Variants in DPF3 observed in about 807,000 individuals in gnomAD.
DPF3 encodes the protein zinc finger protein DPF3.
In DPF3, 18 loss-of-function variants were observed where a neutral mutation model predicts 56.8. The ratio of observed to expected loss-of-function variants is 0.32; its 90% CI spans 0.22 to 0.47. The LOEUF (loss-of-function observed/expected upper bound fraction) is 0.47, where lower values mean the gene tolerates loss of function less well. Among genes scored for constraint, DPF3 ranks in the 20% least tolerant of loss-of-function variants. The pLI is 1.00. For synonymous variants in DPF3, 188 were observed against 180.2 expected (o/e 1.04, Z -0.35); for missense variants, 403 against 488.8 (o/e 0.82, Z 1.65).
chr14:72,716,630 T>G (rs150895311), intron 5 of DPF3, among the ~76,000 whole-genome samples: 23 of 152,248 alleles, frequency 1.5e-4, no homozygotes, highest in African/African-American at 5.5e-4. Context: ...ACAAACATGG[T>G]GGAGACCATG....
intron 1 of DPF3, among the ~76,000 whole-genome samples, chr14:72,805,061 C>CACACACACACACACACACACAA (rs1882697820): frequency 6.6e-6 from 1 of 151,452 alleles, no homozygotes; most frequent in South Asian, 2.1e-4. Flanking sequence ...GACACACACA[C>CACACACACACACACACACACAA]ACACACAAAC....
intron 1 of DPF3, among the ~76,000 whole-genome samples, chr14:72,883,682 C>T (rs568592399): frequency 3.6e-4 from 54 of 152,108 alleles, no homozygotes; most frequent in African/African-American, 1.1e-3. Flanking sequence ...AATCCCAGCA[C>T]GTGGGGAGGC....
At chr14:72,888,904 C>T (rs1333295849) in intron 1 of DPF3, among the ~76,000 whole-genome samples, 1 of 152,310 alleles carries the variant, frequency 6.6e-6, no homozygotes, top group Non-Finnish European at 1.5e-5. Context: ...CAGCCCCCAT[C>T]GCCACTACTG....
chr14:72,864,955 A>C (rs556884471), intron 1 of DPF3, among the ~76,000 whole-genome samples: 1 of 152,344 alleles, frequency 6.6e-6, no homozygotes, highest in African/African-American at 2.4e-5. Context: ...AGTGTAAGTC[A>C]GGACGAGGGG....
chr14:72,716,719 T>C (rs1888944229), intron 5 of DPF3, among the ~76,000 whole-genome samples: 1 of 152,192 alleles, frequency 6.6e-6, no homozygotes, highest in Non-Finnish European at 1.5e-5. Flanking sequence ...ATTCGCCAAA[T>C]GGATGAATCA....
chr14:72,860,719 C>A lies in DPF3; in HGVS notation c.32+33338G>T, dbSNP rs544362751. Among the ~76,000 whole-genome samples the A allele has an allele frequency of 7.9e-5, 12 of 152,168 alleles. No homozygotes were observed. In the East Asian group the frequency reaches 1.7e-3, roughly 22 times the overall value. On this transcript the variant is annotated intron_variant, in intron 1 of 10. Coordinates refer to ENST00000556509, the MANE Select transcript of DPF3 (RefSeq NM_001280542.3). ...TAGCTGAGATTACAGGCGTGCACCA[C>A]CATGCACAGCTAATTTTTGTATTTT...
At chr14:72,814,670 C>T (rs4606655) in intron 1 of DPF3, among the ~76,000 whole-genome samples, 123,572 of 152,028 alleles carry the variant, frequency 0.81, 50,862 homozygotes, top group South Asian at 0.97. Context: ...TAAAAATTAG[C>T]TGGTCATGAT....
At chr14:72,641,018 G>T (rs1323920320) in intron 8 of DPF3, among the ~76,000 whole-genome samples, 1 of 152,160 alleles carries the variant, frequency 6.6e-6, no homozygotes, top group African/African-American at 2.4e-5. Flanking sequence ...AGACAATGTG[G>T]TCAGAAAGGG....
intron 8 of DPF3, among the ~76,000 whole-genome samples, chr14:72,645,912 G>A (rs1012346631): frequency 2.4e-4 from 37 of 151,808 alleles, no homozygotes; most frequent in African/African-American, 8.0e-4. Flanking sequence ...TCTACACTCC[G>A]GCTACACAAA....
At chr14:72,800,395 T>C (rs1345754033) in intron 1 of DPF3, among the ~76,000 whole-genome samples, 1 of 151,908 alleles carries the variant, frequency 6.6e-6, no homozygotes, top group African/African-American at 2.4e-5. Context: ...GATGGATGGA[T>C]GGATGGATGG....
chr14:72,663,309 A>G (rs1005373324), intron 8 of DPF3, among the ~76,000 whole-genome samples: 1 of 152,172 alleles, frequency 6.6e-6, no homozygotes, highest in Non-Finnish European at 1.5e-5. Context: ...TATGGTATAG[A>G]ACCAATTCAG....
chr14:72,870,381 G>C (rs1483195727), intron 1 of DPF3, among the ~76,000 whole-genome samples: 1 of 152,328 alleles, frequency 6.6e-6, no homozygotes, highest in East Asian at 1.9e-4. Context: ...CCTTAGAGGA[G>C]GTAGCCATGA....
chr14:72,645,983 C>T (rs978469863), intron 8 of DPF3, among the ~76,000 whole-genome samples: 1 of 152,154 alleles, frequency 6.6e-6, no homozygotes, highest in Non-Finnish European at 1.5e-5. Flanking sequence ...ATGCTCACCC[C>T]GGATCTGACC....
intron 1 of DPF3, among the ~76,000 whole-genome samples, chr14:72,788,440 G>A (rs987397056): frequency 2.6e-5 from 4 of 152,172 alleles, no homozygotes; most frequent in Middle Eastern, 3.4e-3. Flanking sequence ...GAGGAGGGGG[G>A]CCGCAGAGTC....
chr14:72,667,265 G>A (rs1473591672), intron 8 of DPF3, among the ~76,000 whole-genome samples: 4 of 152,018 alleles, frequency 2.6e-5, no homozygotes, highest in African/African-American at 9.7e-5. Context: ...TCTTTACATA[G>A]TCTCTCAGTA....
chr14:72,819,418 T>C (rs1025013580), intron 1 of DPF3, among the ~76,000 whole-genome samples: 1 of 152,150 alleles, frequency 6.6e-6, no homozygotes, highest in Non-Finnish European at 1.5e-5. Context: ...GGCAACTTTA[T>C]TCATAATAGC....
intron 1 of DPF3, among the ~76,000 whole-genome samples, chr14:72,824,190 G>A (rs1483133466): frequency 1.3e-5 from 2 of 152,166 alleles, no homozygotes; most frequent in South Asian, 2.1e-4. Flanking sequence ...GAAAGAGGAG[G>A]AAAGGAATGT....
Position 72,859,315 on chromosome 14 carries a change from C to T in DPF3, c.32+34742G>A, listed in dbSNP as rs1404824190. On this transcript the variant is annotated intron_variant, in intron 1 of 10. Transcript: ENST00000556509. ...TCCATACTATACAGTAAAAAAGGAACTCCTTTCAAGGCCAACAGGGAAGCA... is the reference window on the plus strand; with the variant it reads ...TCCATACTATACAGTAAAAAAGGAATTCCTTTCAAGGCCAACAGGGAAGCA... 3.9e-5 allele frequency among the ~76,000 whole-genome samples: 6 copies of T among 152,030 alleles called. No individual in the cohort carries two copies. The East Asian group carries it at 9.6e-4, about 24-fold the overall frequency.
intron 1 of DPF3, among the ~76,000 whole-genome samples, chr14:72,861,744 A>AAAGAAAGAAAGAAAGAAAGG (rs1885425506): frequency 8.1e-6 from 1 of 122,994 alleles, no homozygotes; most frequent in East Asian, 2.4e-4. Context: ...AAAGAGAAAG[A>AAAGAAAGAAAGAAAGAAAGG]AAGAAAGAAA....
Sources: allele counts gnomAD v4.1 joint callset (sites outside exome capture counted in the v4.1 genomes callset), GRCh38; gene constraint gnomAD v4.1.1; transcripts MANE v1.5; gene names NCBI Gene and HGNC (gene_info 2026-07-23, HGNC 2026-07-21).